WDR64: variants seen among roughly 807,000 people sequenced by gnomAD.
WDR64 encodes the protein WD repeat-containing protein 64.
In WDR64, 112 loss-of-function variants were observed where a neutral mutation model predicts 139.3. The observed-to-expected ratio is 0.80, with a 90% CI of 0.69 to 0.94. WDR64 has a LOEUF of 0.94. WDR64 is among the 40% of genes least tolerant of loss of function. WDR64 has a pLI of 0.00. For missense variants in WDR64, 1,206 were observed against 1,293.1 expected (o/e 0.93, Z 1.03); for synonymous variants, 444 against 437.7 (o/e 1.01, Z -0.18).
chr1:241,770,530 A>C, intron 17 of WDR64, 91 bp from the exon 18 acceptor site: 298 of 1,004,744 alleles, frequency 3.0e-4, no homozygotes, highest in Non-Finnish European at 3.6e-4. Flanking sequence ...GAAAGAAGCA[A>C]TCAGCTGAAA....
At chr1:241,758,228 C>T (rs1203915512) in intron 15 of WDR64, among the ~76,000 whole-genome samples, 3 of 148,578 alleles carry the variant, frequency 2.0e-5, no homozygotes, top group African/African-American at 2.5e-5. Context: ...TAATTGACTA[C>T]AACATTGATT....
intron 8 of WDR64, among the ~76,000 whole-genome samples, chr1:241,690,170 G>T (rs1667160151): frequency 6.6e-6 from 1 of 152,000 alleles, no homozygotes; most frequent in African/African-American, 2.4e-5. Flanking sequence ...CAGCAGAAAA[G>T]TAAACATAAA....
At chr1:241,776,896 T>C (rs1462446574) in intron 21 of WDR64, among the ~76,000 whole-genome samples, 1 of 152,206 alleles carries the variant, frequency 6.6e-6, no homozygotes, top group Non-Finnish European at 1.5e-5. Flanking sequence ...GGTTTCTGTT[T>C]GTGATCCAGA....
Position 241,671,194 on chromosome 1 carries a change from T to C in WDR64, c.379+18T>C, listed in dbSNP as rs1291373266. 3 of 1,452,230 alleles carry C rather than the reference T, an allele frequency of 2.1e-6. No homozygotes were observed. The highest frequency in any genetic ancestry group is 4.0e-5 in the Admixed American group (2 of 49,780). 90.0% of individuals were successfully genotyped at this position (1,452,230 alleles called of 1,614,324 possible). A position where few individuals can be genotyped will look rare whatever the true frequency, so the allele number is the denominator to read the frequency against. Reference sequence around the variant, plus strand: ...AATTTCAGGTGACATTTTAATTTTCTCTTCCAAATTAGTATGAGTTTTAAT... The same window carrying C: ...AATTTCAGGTGACATTTTAATTTTCCCTTCCAAATTAGTATGAGTTTTAAT... On this transcript the variant is annotated intron_variant, in intron 3 of 27. Transcript: ENST00000437684.
At chr1:241,771,380 G>C (rs1658422843) in intron 18 of WDR64, among the ~76,000 whole-genome samples, 1 of 152,124 alleles carries the variant, frequency 6.6e-6, no homozygotes, top group South Asian at 2.1e-4. Context: ...AATACAATTA[G>C]AGATCATGTC....
At chr1:241,672,217 C>T (rs1021477444) in intron 3 of WDR64, among the ~76,000 whole-genome samples, 2 of 152,034 alleles carry the variant, frequency 1.3e-5, no homozygotes, top group South Asian at 2.1e-4. Flanking sequence ...TGAGCCAAAC[C>T]CACCTTCATC....
chr1:241,794,669 C>T (rs1443688028), intron 25 of WDR64, among the ~76,000 whole-genome samples: 5 of 151,904 alleles, frequency 3.3e-5, no homozygotes, highest in Non-Finnish European at 7.4e-5. Flanking sequence ...CCACCACGCC[C>T]AGCTAATTTT....
At chr1:241,747,802 A>T (rs889975812) in intron 13 of WDR64, among the ~76,000 whole-genome samples, 5 of 152,238 alleles carry the variant, frequency 3.3e-5, no homozygotes, top group Admixed American at 3.3e-4. Flanking sequence ...TGGGAAAGAC[A>T]GGCACTTCCG....
At chr1:241,735,753 T>G (rs527291034) in intron 10 of WDR64, among the ~76,000 whole-genome samples, 6 of 151,806 alleles carry the variant, frequency 4.0e-5, no homozygotes, top group African/African-American at 1.5e-4. Flanking sequence ...CAGGCTGGTC[T>G]CCAACTCCTG....
chr1:241,679,489 C>T lies in WDR64; in HGVS notation c.518C>T (p.Thr173Ile), dbSNP rs768664033. 1.0e-5 allele frequency: 16 copies of T among 1,551,764 alleles called. No individual in the cohort carries two copies. The highest frequency in any genetic ancestry group is 5.9e-5 in the South Asian group (5 of 84,066). ...RVQTSTNVTD[T>I]SWITGCDYLL... ...AATTCTCTGCTTTTCTATCAGGACA[C>T]CTCCTGGATTACAGGGTGTGATTAC... The change falls in exon 6 of 28, where the codon ACC becomes ATC. Residue 173 changes from threonine to isoleucine, a missense_variant. Physicochemically the swap from Thr to Ile is moderately conservative, Grantham distance 89. Transcript: ENST00000437684.
chr1:241,732,967 CAT>C (rs1261165428), intron 10 of WDR64, among the ~76,000 whole-genome samples: 1 of 152,184 alleles, frequency 6.6e-6, no homozygotes, highest in Non-Finnish European at 1.5e-5. Flanking sequence ...CGGGTACACA[CAT>C]GTATATATTT....
Position 241,687,524 on chromosome 1 carries a change from T to G in WDR64, c.903T>G (p.Cys301Trp). 6.2e-7 allele frequency: 1 copy of G among 1,613,910 alleles called. No homozygotes were observed. The highest frequency in any genetic ancestry group is 8.5e-7 in the Non-Finnish European group (1 of 1,179,880). Reference sequence around the variant, plus strand: ...TTAGATATATTTCAGCCCTAAATTGTTTTGGATCCTGCTCCTTAGACAGTA... The same window carrying G: ...TTAGATATATTTCAGCCCTAAATTGGTTTGGATCCTGCTCCTTAGACAGTA... ...MKIRYISALN[C>W]FGSCSLDSNH... The change falls in exon 8 of 28, where the codon TGT becomes TGG. Residue 301 changes from cysteine (C) to tryptophan (W), a missense_variant. Physicochemically the swap from Cys to Trp is radical, Grantham distance 215. Coordinates refer to ENST00000437684, the MANE Select transcript of WDR64 (RefSeq NM_001367482.1).
chr1:241,660,636 G>A lies in WDR64; in HGVS notation c.252G>A (p.Thr84=), dbSNP rs1025887906. 17 of 1,551,296 alleles carry A rather than the reference G, an allele frequency of 1.1e-5. No homozygotes were observed. The highest frequency in any genetic ancestry group is 7.3e-5 in the East Asian group (3 of 40,922). The change falls in exon 2 of 28, where the codon ACG becomes ACA. Residue 84 remains threonine (T), a synonymous_variant. Coordinates refer to ENST00000437684, the MANE Select transcript of WDR64 (RefSeq NM_001367482.1). ...TTTACAGGAAACTGTGCAACAACAC[G>A]GATGCATCTGCAGACTGGTGTGAGG... ...KRFYRKLCNN[T]DASADWCEIF...
In WDR64 at chr1:241,801,695, T is replaced by G. The variant is rs962610766; in HGVS notation, c.*480T>G. The stretch of plus-strand genomic sequence containing the variant: ...TTGTCTTCTTCATTTAGAGAAATAT[T>G]ATCTGGAAGAAAATGTCCTAAGTTT... On this transcript the variant is annotated 3_prime_UTR_variant, in exon 28 of 28. Transcript: ENST00000437684. 1 of 398,620 alleles carries G rather than the reference T, an allele frequency of 2.5e-6. No homozygotes were observed. Among genetic ancestry groups the G allele is most frequent in the Non-Finnish European group, 4.4e-6 (1 of 226,104 alleles). 24.7% of individuals were successfully genotyped at this position (398,620 alleles called of 1,614,324 possible). A position where few individuals can be genotyped will look rare whatever the true frequency, so the allele number is the denominator to read the frequency against.
intron 15 of WDR64, among the ~76,000 whole-genome samples, chr1:241,763,257 T>C (rs1410187727): frequency 6.6e-6 from 1 of 152,128 alleles, no homozygotes; most frequent in African/African-American, 2.4e-5. Flanking sequence ...AAAACTATGG[T>C]GATAAATTAT....
chr1:241,757,649 G>GTTTTTTTTTTTTTTTTTTTTTTTTTTTT (rs35256499), intron 15 of WDR64, among the ~76,000 whole-genome samples, 190 bp downstream of exon 15: 1 of 95,228 alleles, frequency 1.1e-5, no homozygotes, highest in Non-Finnish European at 2.0e-5. Flanking sequence ...CAATGGATTT[G>GTTTTTTTTTTTTTTTTTTTTTTTTTTTT]TTTTTTTTTT....
At chr1:241,792,095 C>A (rs1283353758) in intron 25 of WDR64, among the ~76,000 whole-genome samples, 1 of 152,158 alleles carries the variant, frequency 6.6e-6, no homozygotes, top group Non-Finnish European at 1.5e-5. Flanking sequence ...ACAGTTACCC[C>A]ACCCTCTACA....
intron 9 of WDR64, among the ~76,000 whole-genome samples, chr1:241,722,339 G>A (rs375642156): frequency 4.1e-4 from 62 of 152,200 alleles, no homozygotes; most frequent in African/African-American, 1.4e-3. Flanking sequence ...ATTTAGTACA[G>A]CCATTTTGGA....
At chr1:241,671,563 C>T (rs1438286004) in intron 3 of WDR64, among the ~76,000 whole-genome samples, 2 of 152,122 alleles carry the variant, frequency 1.3e-5, no homozygotes, top group Non-Finnish European at 2.9e-5. Flanking sequence ...CATGACTCTT[C>T]TATTCACTCT....
Sources: allele counts gnomAD v4.1 joint callset (sites outside exome capture counted in the v4.1 genomes callset), GRCh38; gene constraint gnomAD v4.1.1; transcripts MANE v1.5; gene names NCBI Gene and HGNC (gene_info 2026-07-23, HGNC 2026-07-21).